Variants in PHACTR3 observed in about 807,000 individuals in gnomAD.
The protein encoded by PHACTR3 is phosphatase and actin regulator 3.
A neutral mutation model predicts 66.8 loss-of-function variants in PHACTR3; 16 were observed. The observed-to-expected ratio is 0.24, with a 90% CI of 0.16 to 0.36. The LOEUF (loss-of-function observed/expected upper bound fraction) is 0.36. Among genes scored for constraint, PHACTR3 ranks in the 10% least tolerant of loss-of-function variants. PHACTR3 has a pLI of 1.00. For synonymous variants in PHACTR3, 323 were observed against 292.1 expected (o/e 1.11, Z -1.08); for missense variants, 647 against 719.9 (o/e 0.90, Z 1.16).
At position 59,659,979 on chromosome 20, in the gene PHACTR3, G is replaced by A. The variant is rs564738516; in HGVS notation, c.118+54847G>A. ...CCTGCCCTCAGTAAAGACTTGCAAT[G>A]CCCTGGAGAGGTTTCTCCCAGCTGT... is the stretch of plus-strand genomic sequence containing the variant. On this transcript the variant is annotated intron_variant, in intron 1 of 12. Transcript: ENST00000371015. Among the ~76,000 whole-genome samples the A allele has an allele frequency of 1.8e-4, 27 of 152,246 alleles. No individual in the cohort carries two copies. In the South Asian group the frequency reaches 5.4e-3, roughly 30 times the overall value.
chr20:59,751,843 C>A lies in PHACTR3; in HGVS notation c.359-3339C>A, dbSNP rs888944703. Among the ~76,000 whole-genome samples the A allele has an allele frequency of 2.3e-4, 35 of 152,028 alleles. 1 individual carries two copies. The highest frequency in any genetic ancestry group is 7.5e-4 in the African/African-American group (31 of 41,390). On this transcript the variant is annotated intron_variant, in intron 3 of 12. Transcript: ENST00000371015. ...TTCAGTGCTCCTTCCACCCTCGTCT[C>A]GGATATCCGTGACTAAGTGAGGCCA... is the stretch of plus-strand genomic sequence containing the variant.
chr20:59,822,630 G>A (rs910601681), intron 8 of PHACTR3, among the ~76,000 whole-genome samples: 3 of 152,142 alleles, frequency 2.0e-5, no homozygotes, highest in Non-Finnish European at 2.9e-5. Context: ...GTGGTCTGCA[G>A]ATGAGGTGCG....
intron 8 of PHACTR3, 178 bp from the exon 9 acceptor site, chr20:59,836,326 TG>T: frequency 1.7e-6 from 1 of 574,042 alleles, no homozygotes; most frequent in Non-Finnish European, 3.1e-6. Flanking sequence ...GACTGTCACC[TG>T]GAAGTCTGAC....
intron 8 of PHACTR3, among the ~76,000 whole-genome samples, chr20:59,835,318 T>C (rs1189999516): frequency 6.6e-6 from 1 of 151,998 alleles, no homozygotes; most frequent in African/African-American, 2.4e-5. Flanking sequence ...CGAGATATGA[T>C]GTGGAAGCAA....
intron 7 of PHACTR3, among the ~76,000 whole-genome samples, chr20:59,791,924 A>G (rs1300215038): frequency 6.6e-6 from 1 of 152,176 alleles, no homozygotes; most frequent in Non-Finnish European, 1.5e-5. Context: ...TTTTATGCTT[A>G]TACAAGCGAA....
chr20:59,745,625 G>A (rs1265726196), intron 2 of PHACTR3, among the ~76,000 whole-genome samples: 2 of 152,260 alleles, frequency 1.3e-5, no homozygotes, highest in Non-Finnish European at 2.9e-5. Flanking sequence ...GTTAGGATGA[G>A]TTGAAGTGAA....
At chr20:59,698,171 A>G (rs1209017551) in intron 1 of PHACTR3, among the ~76,000 whole-genome samples, 1 of 152,238 alleles carries the variant, frequency 6.6e-6, no homozygotes, top group African/African-American at 2.4e-5. Context: ...AGTTAAAAGT[A>G]ATGAACTAAA....
upstream of PHACTR3, among the ~76,000 whole-genome samples, chr20:59,601,033 A>G (rs2033465590): frequency 6.6e-6 from 1 of 151,882 alleles, no homozygotes; most frequent in African/African-American, 2.4e-5. Context: ...GGTTTTTAGT[A>G]TATTTACAGA....
intron 1 of PHACTR3, among the ~76,000 whole-genome samples, chr20:59,594,465 G>A (rs1362977697): frequency 1.3e-5 from 2 of 151,756 alleles, no homozygotes; most frequent in Admixed American, 1.3e-4. Flanking sequence ...AGTTGAACTT[G>A]AACAATGTTG....
At chr20:59,693,347 C>T (rs536573195) in intron 1 of PHACTR3, among the ~76,000 whole-genome samples, 37 of 152,230 alleles carry the variant, frequency 2.4e-4, no homozygotes, top group African/African-American at 6.3e-4. Context: ...AGCTTGGGGT[C>T]GGTTTGCAGA....
chr20:59,733,598 G>A (rs2038844531), intron 1 of PHACTR3, among the ~76,000 whole-genome samples: 1 of 152,172 alleles, frequency 6.6e-6, no homozygotes, highest in Non-Finnish European at 1.5e-5. Context: ...GCACAGGACT[G>A]GGAGAGGGGC....
chr20:59,581,992 TACTC>T (rs1224806232), intron 1 of PHACTR3, among the ~76,000 whole-genome samples: 5 of 152,282 alleles, frequency 3.3e-5, no homozygotes, highest in South Asian at 2.1e-4. Context: ...GAAAAAAAAT[TACTC>T]ACTCAAACAC....
In PHACTR3 at chr20:59,771,290, G is replaced by A. The variant is rs117551129; in HGVS notation, c.752-1989G>A. ...AGACAGAGGGGCTGGGGGATGCTGC[G>A]TGTCACCTGCGTGTGCTCAGGAGTG... On this transcript the variant is annotated intron_variant, in intron 5 of 12. Transcript: ENST00000371015. Among the ~76,000 whole-genome samples, 41 of 152,284 alleles carry A rather than the reference G, an allele frequency of 2.7e-4. 1 individual carries two copies. In the East Asian group the frequency reaches 7.5e-3, roughly 28 times the overall value.
chr20:59,742,862 G>T (rs1319105750), intron 1 of PHACTR3, among the ~76,000 whole-genome samples: 1 of 152,168 alleles, frequency 6.6e-6, no homozygotes, highest in Non-Finnish European at 1.5e-5. Flanking sequence ...GTCATATGGC[G>T]GAAGGCGAAG....
At chr20:59,641,864 T>G (rs1013983183) in intron 1 of PHACTR3, among the ~76,000 whole-genome samples, 11 of 152,258 alleles carry the variant, frequency 7.2e-5, no homozygotes, top group Non-Finnish European at 1.5e-4. Context: ...TATGCAGCAA[T>G]GATACCCTAG....
intron 2 of PHACTR3, 151 bp downstream of exon 2, chr20:59,743,419 G>A (rs2039247905): frequency 4.4e-6 from 5 of 1,147,966 alleles, no homozygotes; most frequent in South Asian, 3.2e-5. Context: ...AGCCATGCAA[G>A]TTACCCCGCT....
chr20:59,628,786 C>G, intron 1 of PHACTR3: 1 of 985,472 alleles, frequency 1.0e-6, no homozygotes, highest in Non-Finnish European at 1.2e-6. Flanking sequence ...GACTGAGAAG[C>G]CACAGCCCTG....
intron 8 of PHACTR3, among the ~76,000 whole-genome samples, chr20:59,816,208 C>A (rs1832508): frequency 6.6e-6 from 1 of 151,816 alleles, no homozygotes; most frequent in Non-Finnish European, 1.5e-5. Context: ...CCCTCATATG[C>A]GTAGTTCACA....
intron 1 of PHACTR3, among the ~76,000 whole-genome samples, chr20:59,612,589 C>T (rs1387396935): frequency 1.3e-5 from 2 of 152,260 alleles, no homozygotes; most frequent in East Asian, 1.9e-4. Context: ...ATTCACTATG[C>T]TGACCAGGCT....
Sources: gnomAD v4.1 joint callset for allele counts (sites outside exome capture counted in the v4.1 genomes callset) on GRCh38, gnomAD v4.1.1 for gene constraint, MANE v1.5 for transcripts, NCBI Gene and HGNC (gene_info 2026-07-23, HGNC 2026-07-21) for gene names.